POMGNT2: variants seen among roughly 807,000 people sequenced by gnomAD.
POMGNT2 encodes protein O-linked mannose N-acetylglucosaminyltransferase 2 (beta 1,4-).
A neutral mutation model predicts 37.8 loss-of-function variants in POMGNT2; 32 were observed. That is an observed-to-expected ratio of 0.85 (90% CI 0.64 to 1.14). The LOEUF (loss-of-function observed/expected upper bound fraction) is 1.14, where lower values mean the gene tolerates loss of function less well. Among genes scored for constraint, POMGNT2 ranks in the 50% most tolerant of loss-of-function variants. The pLI is 0.00. For missense variants in POMGNT2, 705 were observed against 780.6 expected (o/e 0.90, Z 1.15); for synonymous variants, 340 against 336.8 (o/e 1.01, Z -0.10).
rs777276517 is a variant in POMGNT2, at chr3:43,080,904, G to C, written c.528C>G (p.Phe176Leu). The change falls in exon 2 of 2, where the codon TTC becomes TTG. Residue 176 changes from phenylalanine to leucine, a missense_variant. Transcript: ENST00000344697. ...GGCCGGGAAACTGCCGCAGGGTGTA[G>C]AAGAGTGGCAGCAGGTCGTCATGAA... ...HVFHDDLLPL[F>L]YTLRQFPGLA... 9.9e-6 allele frequency: 16 copies of C among 1,614,096 alleles called. No homozygotes were observed. The highest frequency in any genetic ancestry group is 1.3e-5 in the African/African-American group (1 of 74,932).
At chr3:43,100,613 G>T (rs369529893) in intron 1 of POMGNT2, among the ~76,000 whole-genome samples, 1 of 152,092 alleles carries the variant, frequency 6.6e-6, no homozygotes, top group African/African-American at 2.4e-5. Flanking sequence ...AAAAATTAAC[G>T]AAATGAATAT....
At chr3:43,095,014 G>A (rs2089969728) in intron 1 of POMGNT2, among the ~76,000 whole-genome samples, 1 of 152,216 alleles carries the variant, frequency 6.6e-6, no homozygotes, top group Non-Finnish European at 1.5e-5. Flanking sequence ...TCAGTGCTAT[G>A]CTAGGTCCCT....
At position 43,094,892 on chromosome 3, in the gene POMGNT2, G is replaced by A. The variant is rs377360205; in HGVS notation, c.-106+10944C>T. On this transcript the variant is annotated intron_variant, in intron 1 of 1. Transcript: ENST00000344697. The stretch of plus-strand genomic sequence containing the variant: ...GCTGGAATGTGCCTCTCCTGCACCT[G>A]CTGTCCGTAATCCTGTCTCCCAGTG... 9.2e-5 allele frequency among the ~76,000 whole-genome samples: 14 copies of A among 152,308 alleles called. No individual in the cohort carries two copies. The East Asian group carries it at 1.5e-3, about 17-fold the overall frequency.
chr3:43,080,625 C>T lies in POMGNT2; in HGVS notation c.807G>A (p.Arg269=), dbSNP rs1051665665. 3.7e-6 allele frequency: 6 copies of T among 1,614,124 alleles called. No individual in the cohort carries two copies. In the Admixed American group the frequency reaches 5.0e-5, roughly 13 times the overall value. Residue 269 remains arginine, a synonymous_variant, in exon 2 of 2, where the codon CGG becomes CGA. Coordinates refer to ENST00000344697, the MANE Select transcript of POMGNT2 (RefSeq NM_032806.6). ...TCACGTTCAGCTTTTCTGTCATGAACCGTGCAAACTGCCGGATCTCATTGC... is the reference window on the plus strand; with the variant it reads ...TCACGTTCAGCTTTTCTGTCATGAATCGTGCAAACTGCCGGATCTCATTGC... The part of the protein sequence containing the change: ...VSGNEIRQFA[R]FMTEKLNVSH...
At chr3:43,105,316 A>G (rs1200568272) in intron 1 of POMGNT2, among the ~76,000 whole-genome samples, 1 of 152,144 alleles carries the variant, frequency 6.6e-6, no homozygotes, top group African/African-American at 2.4e-5. Flanking sequence ...CCGGACACAC[A>G]TGGTAGGTGC....
chr3:43,084,574 G>C (rs898699668), intron 1 of POMGNT2, among the ~76,000 whole-genome samples: 1 of 151,904 alleles, frequency 6.6e-6, no homozygotes, highest in Admixed American at 6.6e-5. Flanking sequence ...GAACCCAGGA[G>C]GTGGAGCTTG....
rs1052496878 is a variant in POMGNT2, at chr3:43,098,930, C to G, written c.-106+6906G>C. Among the ~76,000 whole-genome samples the G allele has an allele frequency of 6.6e-6, 1 of 152,158 alleles. No homozygotes were observed. Among genetic ancestry groups the G allele is most frequent in the Non-Finnish European group, 1.5e-5 (1 of 68,024 alleles). On this transcript the variant is annotated intron_variant, in intron 1 of 1. Coordinates refer to ENST00000344697, the MANE Select transcript of POMGNT2 (RefSeq NM_032806.6). The surrounding 1 kb of genome is among the most constrained non-coding windows in gnomAD (Gnocchi z 4.3). Reference sequence around the variant, plus strand: ...AACCTTTGCTTGCCACACAGCCTGCCGTGTCATCTGGCTTTTGCTTAGCAC... The same window carrying G: ...AACCTTTGCTTGCCACACAGCCTGCGGTGTCATCTGGCTTTTGCTTAGCAC...
At chr3:43,094,408 T>C (rs2089964820) in intron 1 of POMGNT2, among the ~76,000 whole-genome samples, 1 of 152,214 alleles carries the variant, frequency 6.6e-6, no homozygotes, top group Admixed American at 6.5e-5. Context: ...GATTTCCCCT[T>C]TCTCCAGACC....
At chr3:43,088,587 C>A (rs1459907319) in intron 1 of POMGNT2, among the ~76,000 whole-genome samples, 5 of 152,224 alleles carry the variant, frequency 3.3e-5, no homozygotes, top group African/African-American at 1.2e-4. Flanking sequence ...GCAGAGCCTA[C>A]TTCTTGGGCC....
rs2089825757 is a variant in POMGNT2, at chr3:43,079,542, A to G, written c.*147T>C. The G allele has an allele frequency of 4.4e-6, 3 of 688,854 alleles. No individual in the cohort carries two copies. The highest frequency in any genetic ancestry group is 7.2e-6 in the Non-Finnish European group (3 of 418,072). 42.7% of individuals were successfully genotyped at this position (688,854 alleles called of 1,614,324 possible). Reference sequence around the variant, plus strand: ...CTCTAGGGCAAAGAGGAGTGCTGTGACACCACACCCCAGAGACAACAAGAT... The same window carrying G: ...CTCTAGGGCAAAGAGGAGTGCTGTGGCACCACACCCCAGAGACAACAAGAT... On this transcript the variant is annotated 3_prime_UTR_variant, in exon 2 of 2. Coordinates refer to ENST00000344697, the MANE Select transcript of POMGNT2 (RefSeq NM_032806.6).
At position 43,080,615 on chromosome 3, in the gene POMGNT2, C is replaced by T; in HGVS notation, c.817G>A (p.Glu273Lys). 6.2e-7 allele frequency: 1 copy of T among 1,614,234 alleles called. No homozygotes were observed. Among genetic ancestry groups the T allele is most frequent in the South Asian group, 1.1e-5 (1 of 91,086 alleles). ...EIRQFARFMT[E>K]KLNVSHTGVP... ...CCTGTGTGGCTCACGTTCAGCTTTT[C>T]TGTCATGAACCGTGCAAACTGCCGG... is the stretch of plus-strand genomic sequence containing the variant. Residue 273 changes from glutamate to lysine, a missense_variant, in exon 2 of 2, where the codon GAA (glutamate) becomes AAA (lysine). Glu to Lys is a moderately conservative substitution (Grantham distance 56). Coordinates refer to ENST00000344697, the MANE Select transcript of POMGNT2 (RefSeq NM_032806.6).
intron 1 of POMGNT2, among the ~76,000 whole-genome samples, chr3:43,081,751 C>T (rs559181542): frequency 6.6e-6 from 1 of 152,334 alleles, no homozygotes; most frequent in Non-Finnish European, 1.5e-5. Context: ...GAAAGTGCAT[C>T]CCCACACCCG....
intron 1 of POMGNT2, among the ~76,000 whole-genome samples, chr3:43,082,214 T>C (rs2089862627): frequency 6.6e-6 from 1 of 152,172 alleles, no homozygotes; most frequent in Admixed American, 6.5e-5. Flanking sequence ...GGTAATGACT[T>C]TTCCTTAAAT....
At position 43,104,263 on chromosome 3, in the gene POMGNT2, C is replaced by T. The variant is rs141450763; in HGVS notation, c.-106+1573G>A. On this transcript the variant is annotated intron_variant, in intron 1 of 1. Transcript: ENST00000344697. ...CCAATTTAAGAAACCCTGGGAATCA[C>T]GTGATTGGTAGGTCCTGGGGGGAAA... is the stretch of plus-strand genomic sequence containing the variant. 3.0e-3 allele frequency among the ~76,000 whole-genome samples: 452 copies of T among 152,266 alleles called. 2 individuals carry two copies. Among genetic ancestry groups the T allele is most frequent in the African/African-American group, 1.0e-2 (414 of 41,552 alleles).
Position 43,079,594 on chromosome 3 carries a change from A to G in POMGNT2, c.*95T>C. On this transcript the variant is annotated 3_prime_UTR_variant, in exon 2 of 2. Transcript: ENST00000344697. ...ATGTGGAGGCACAGGCCTGCTCAAT[A>G]AATAGTTCCCAGAAGTCTCCACAGT... is the stretch of plus-strand genomic sequence containing the variant. 7.9e-6 allele frequency: 9 copies of G among 1,139,338 alleles called. No homozygotes were observed. The South Asian group carries it at 9.1e-5, about 12-fold the overall frequency. The allele number at this position is 1,139,338 out of a possible 1,614,324, so 70.6% of individuals were successfully genotyped here.
intron 1 of POMGNT2, among the ~76,000 whole-genome samples, chr3:43,094,698 C>G (rs1319699701): frequency 6.6e-6 from 1 of 152,248 alleles, no homozygotes; most frequent in African/African-American, 2.4e-5. Flanking sequence ...TTCTTTCAGA[C>G]TGAAGGCCTC....
chr3:43,096,003 G>C (rs2125709627), intron 1 of POMGNT2, among the ~76,000 whole-genome samples: 1 of 152,320 alleles, frequency 6.6e-6, no homozygotes, highest in East Asian at 1.9e-4. Context: ...AGTGAATGCT[G>C]GGTGGATGTG....
chr3:43,088,644 A>C (rs2089917755), intron 1 of POMGNT2, among the ~76,000 whole-genome samples: 1 of 152,194 alleles, frequency 6.6e-6, no homozygotes, highest in Non-Finnish European at 1.5e-5. Flanking sequence ...GGACCAATTC[A>C]GCTGAGGAAT....
chr3:43,083,227 A>T (rs2089870066), intron 1 of POMGNT2, among the ~76,000 whole-genome samples: 1 of 148,406 alleles, frequency 6.7e-6, no homozygotes, highest in Non-Finnish European at 1.5e-5. Context: ...AAGTTCATTA[A>T]CAACAACAGA....
Sources: gnomAD v4.1 joint callset for allele counts (sites outside exome capture counted in the v4.1 genomes callset) on GRCh38, gnomAD v4.1.1 for gene constraint, Gnocchi (gnomAD v3.1) non-coding constraint, MANE v1.5 for transcripts, NCBI Gene and HGNC (gene_info 2026-07-23, HGNC 2026-07-21) for gene names.